OCA2: variants seen among roughly 807,000 people sequenced by gnomAD.
The protein encoded by OCA2 is P protein.
Under a neutral mutation model 100.2 loss-of-function variants are expected in OCA2, and 77 were observed. The ratio of observed to expected loss-of-function variants is 0.77; its 90% confidence interval spans 0.64 to 0.93. The LOEUF (loss-of-function observed/expected upper bound fraction) is 0.93, where lower values mean the gene tolerates loss of function less well. Among genes scored for constraint, OCA2 ranks in the 40% least tolerant of loss-of-function variants. OCA2 has a pLI of 0.00. For missense variants in OCA2, 1,062 were observed against 1,089.1 expected, an observed-to-expected ratio of 0.98 and a Z score of 0.35; for synonymous variants, 432 against 439.2, an observed-to-expected ratio of 0.98 and a Z score of 0.21.
At chr15:27,751,630 C>T (rs2030068217), downstream of OCA2, among the ~76,000 whole-genome samples, 2 of 152,208 alleles carry the variant, frequency 1.3e-5, no homozygotes, top group Admixed American at 1.3e-4. Context: ...GCTCACAGGT[C>T]CAGGTTGCCA....
At chr15:27,762,301 C>T (rs76155555) in intron 23 of OCA2, among the ~76,000 whole-genome samples, 1,866 of 152,240 alleles carry the variant, frequency 0.012, 29 homozygotes, top group African/African-American at 0.043. Flanking sequence ...TCCATACATG[C>T]CCATTGACCA....
chr15:27,863,098 A>G (rs1166077801), intron 21 of OCA2, among the ~76,000 whole-genome samples: 2 of 152,098 alleles, frequency 1.3e-5, no homozygotes, highest in African/African-American at 4.8e-5. Flanking sequence ...CTGACAGGTC[A>G]GGAAGGAGAG....
intron 2 of OCA2, among the ~76,000 whole-genome samples, chr15:28,042,509 A>G (rs2043234713): frequency 6.6e-6 from 1 of 151,104 alleles, no homozygotes; most frequent in African/African-American, 2.4e-5. Flanking sequence ...GCGTGGTGAT[A>G]CACACCTGTG....
intron 9 of OCA2, among the ~76,000 whole-genome samples, chr15:27,998,770 T>G (rs12906622): frequency 0.57 from 77,473 of 136,648 alleles, 24,802 homozygotes; most frequent in Non-Finnish European, 0.76. Flanking sequence ...TGCGGCACTA[T>G]TCACAATAGC....
At chr15:27,950,539 G>C (rs773669688) in intron 18 of OCA2, 4 of 518,184 alleles carry the variant, frequency 7.7e-6, no homozygotes, top group Middle Eastern at 6.3e-4. Flanking sequence ...AATAATACCT[G>C]CCAGCTTGAA....
intron 23 of OCA2, among the ~76,000 whole-genome samples, chr15:27,796,423 G>A (rs183065799): frequency 6.6e-6 from 1 of 152,238 alleles, no homozygotes; most frequent in Non-Finnish European, 1.5e-5. Context: ...CAGGAGACCT[G>A]CAGGAAACAG....
intron 2 of OCA2, among the ~76,000 whole-genome samples, chr15:28,080,221 T>C (rs1464645736): frequency 6.6e-6 from 1 of 152,178 alleles, no homozygotes. Flanking sequence ...TGGGAGAAGA[T>C]CCTGCAACAT....
chr15:27,916,126 A>G (rs1469580815), intron 19 of OCA2, among the ~76,000 whole-genome samples: 1 of 152,184 alleles, frequency 6.6e-6, no homozygotes, highest in African/African-American at 2.4e-5. Context: ...TCATTATTAT[A>G]AGTAGGAGCT....
intron 23 of OCA2, among the ~76,000 whole-genome samples, chr15:27,794,204 G>C (rs909028029): frequency 3.9e-5 from 6 of 152,286 alleles, no homozygotes; most frequent in African/African-American, 1.2e-4. Flanking sequence ...TCATCTTTGA[G>C]AGGCGTGGCC....
chr15:27,859,972 G>A (rs374528312), intron 21 of OCA2, among the ~76,000 whole-genome samples: 78 of 152,226 alleles, frequency 5.1e-4, no homozygotes, highest in South Asian at 1.0e-3. Context: ...AAGTTATAAA[G>A]GTGCTATTTT....
chr15:28,004,553 C>A (rs772690625), intron 9 of OCA2, among the ~76,000 whole-genome samples: 4 of 151,962 alleles, frequency 2.6e-5, no homozygotes, highest in Non-Finnish European at 5.9e-5. Flanking sequence ...CCCTCACATG[C>A]CCACACACTA....
At chr15:28,017,771 G>A (rs1010709554) in intron 7 of OCA2, among the ~76,000 whole-genome samples, 2 of 151,966 alleles carry the variant, frequency 1.3e-5, no homozygotes, top group African/African-American at 2.4e-5. Context: ...CCAGGGCTAC[G>A]ACTTCCATGC....
chr15:28,054,216 A>G (rs935749201), intron 2 of OCA2, among the ~76,000 whole-genome samples: 25 of 152,144 alleles, frequency 1.6e-4, no homozygotes, highest in African/African-American at 5.1e-4. Context: ...GTGTGTATGT[A>G]TGTGTATGTG....
At chr15:27,966,640 A>G (rs779948101) in intron 15 of OCA2, 50 bp downstream of exon 15, 10 of 1,607,640 alleles carry the variant, frequency 6.2e-6, no homozygotes, top group Admixed American at 1.7e-5. Flanking sequence ...TAAACAAACA[A>G]TATTATGGTC....
chr15:28,096,031 G>C (rs950980160), intron 1 of OCA2, among the ~76,000 whole-genome samples: 1 of 152,194 alleles, frequency 6.6e-6, no homozygotes, highest in African/African-American at 2.4e-5. Context: ...GGTCCACAGG[G>C]CATGGCTGTG....
chr15:27,970,538 A>G (rs933959479), intron 14 of OCA2, among the ~76,000 whole-genome samples: 2 of 151,644 alleles, frequency 1.3e-5, no homozygotes, highest in Admixed American at 6.6e-5. Context: ...GGGAAAATGT[A>G]AAGAATGTCC....
intron 4 of OCA2, among the ~76,000 whole-genome samples, chr15:28,026,744 G>A (rs1038515900): frequency 3.3e-5 from 5 of 152,122 alleles, no homozygotes; most frequent in African/African-American, 1.2e-4. Flanking sequence ...GGGCCTCTTC[G>A]CACCCCGGGA....
At chr15:27,805,827 G>T (rs1371680146) in intron 23 of OCA2, among the ~76,000 whole-genome samples, 1 of 152,100 alleles carries the variant, frequency 6.6e-6, no homozygotes, top group Non-Finnish European at 1.5e-5. Flanking sequence ...CAGGCGGCGG[G>T]AACAGCCAGA....
intron 14 of OCA2, among the ~76,000 whole-genome samples, chr15:27,969,612 AC>A (rs1305885529): frequency 6.6e-6 from 1 of 152,154 alleles, no homozygotes; most frequent in Non-Finnish European, 1.5e-5. Flanking sequence ...TATAGGCTCC[AC>A]TCAGTCATTT....
Sources: gnomAD v4.1 joint callset for allele counts (sites outside exome capture counted in the v4.1 genomes callset) on GRCh38, gnomAD v4.1.1 for gene constraint, MANE v1.5 for transcripts, NCBI Gene and HGNC (gene_info 2026-07-23, HGNC 2026-07-21) for gene names.